The following HSCB variants were observed in gnomAD, a reference collection of about 807,000 sequenced individuals.
HSCB encodes iron-sulfur cluster co-chaperone protein HscB.
In HSCB, 23 loss-of-function variants were observed where a neutral mutation model predicts 31.3. The ratio of observed to expected loss-of-function variants is 0.74; its 90% CI spans 0.53 to 1.04. The LOEUF is 1.04. Ranked by LOEUF, HSCB falls within the 50% of genes least tolerant of loss-of-function variation. HSCB has a pLI of 0.00. For missense variants in HSCB, 297 were observed against 288.1 expected, an observed-to-expected ratio of 1.03 and a Z score of -0.22; for synonymous variants, 110 against 104.5, an observed-to-expected ratio of 1.05 and a Z score of -0.32.
At position 28,742,092 on chromosome 22, in the gene HSCB, C is replaced by T. The variant is rs762292151; in HGVS notation, c.-4C>T. 5.0e-6 allele frequency: 8 copies of T among 1,605,398 alleles called. No homozygotes were observed. Among genetic ancestry groups the T allele is most frequent in the South Asian group, 1.1e-5 (1 of 90,190 alleles). On this transcript the variant is annotated 5_prime_UTR_variant, in exon 1 of 6. Coordinates refer to ENST00000216027, the MANE Select transcript of HSCB (RefSeq NM_172002.5). ...TGACCACGGCTAGATAGGCCGCCGG[C>T]CAGATGTGGCGGGGGAGAGCCGGGG...
At chr22:28,742,800 T>G in intron 1 of HSCB, 1 of 161,398 alleles carries the variant, frequency 6.2e-6, no homozygotes, top group Non-Finnish European at 1.4e-5. Context: ...GATTAGGGAG[T>G]AAAGCATGAA....
intron 1 of HSCB, among the ~76,000 whole-genome samples, chr22:28,743,629 T>C (rs2054630437): frequency 6.6e-6 from 1 of 152,174 alleles, no homozygotes; most frequent in Non-Finnish European, 1.5e-5. Context: ...CTTGCAATTC[T>C]ACCTGGACGT....
chr22:28,751,329 T>G (rs1329742552), intron 5 of HSCB, 41 bp downstream of exon 5: 1 of 1,264,752 alleles, frequency 7.9e-7, no homozygotes. Context: ...GGAAAGAAAT[T>G]TCAAGCACTG....
At position 28,753,403 on chromosome 22, in the gene HSCB, C is replaced by T. The variant is rs554037682; in HGVS notation, c.616+2115C>T. Among the ~76,000 whole-genome samples, 10 of 151,920 alleles carry T rather than the reference C, an allele frequency of 6.6e-5. No individual in the cohort carries two copies. The South Asian group carries it at 1.0e-3, about 16-fold the overall frequency. On this transcript the variant is annotated intron_variant, in intron 5 of 5. Transcript: ENST00000216027. ...ATTAGGGTGGCATGGTGGCGGGCGC[C>T]TGTAATCCCAGCTACTCAGGAGGCT...
intron 4 of HSCB, among the ~76,000 whole-genome samples, chr22:28,747,881 C>T (rs567856258): frequency 1.3e-4 from 20 of 149,790 alleles, no homozygotes; most frequent in Non-Finnish European, 2.5e-4. Flanking sequence ...ACCTTTCCCC[C>T]CCAAAAAAAT....
chr22:28,748,985 T>C (rs1473200811), intron 4 of HSCB, among the ~76,000 whole-genome samples: 1 of 151,610 alleles, frequency 6.6e-6, no homozygotes, highest in Non-Finnish European at 1.5e-5. Context: ...CATTAAAAAT[T>C]TAAAAATTAA....
At chr22:28,744,378 C>A (rs1408600917) in intron 2 of HSCB, among the ~76,000 whole-genome samples, 1 of 152,098 alleles carries the variant, frequency 6.6e-6, no homozygotes, top group Admixed American at 6.6e-5. Context: ...AGGGTGAAAC[C>A]CTGTCTCTAC....
In HSCB at chr22:28,742,340, G is replaced by A. The variant is rs747082463; in HGVS notation, c.236+9G>A. 2 of 1,608,508 alleles carry A rather than the reference G, an allele frequency of 1.2e-6. No individual in the cohort carries two copies. Among genetic ancestry groups the A allele is most frequent in the African/African-American group, 1.3e-5 (1 of 74,870 alleles). ...TTCAGCCTTATGGACTGGTACGAGC[G>A]ACGGTTTCGGGAAACGGGCCCGGGC... On this transcript the variant is annotated intron_variant, in intron 1 of 5. Coordinates refer to ENST00000216027, the MANE Select transcript of HSCB (RefSeq NM_172002.5).
intron 1 of HSCB, 147 bp from the exon 2 acceptor site, chr22:28,743,735 T>C (rs1462152841): frequency 1.2e-5 from 8 of 650,888 alleles, no homozygotes; most frequent in Admixed American, 4.6e-5. Context: ...CTGACTCTGT[T>C]CTGTGTCCCT....
At chr22:28,755,319 A>T (rs896307351) in intron 5 of HSCB, among the ~76,000 whole-genome samples, 1 of 151,888 alleles carries the variant, frequency 6.6e-6, no homozygotes, top group Admixed American at 6.6e-5. Flanking sequence ...CTGAGGCAGG[A>T]GAATGGCGTG....
At chr22:28,748,706 G>A (rs765429762) in intron 4 of HSCB, among the ~76,000 whole-genome samples, 6 of 151,680 alleles carry the variant, frequency 4.0e-5, no homozygotes, top group Non-Finnish European at 7.4e-5. Flanking sequence ...AAGTAGTGAC[G>A]GGGTTTTACC....
rs138835175 is a variant in HSCB at position 28,744,826 on chromosome 22, T to A, written c.423+122T>A. The A allele has an allele frequency of 4.3e-4, 329 of 771,354 alleles. 2 individuals carry two copies. The highest frequency in any genetic ancestry group is 2.8e-3 in the East Asian group (114 of 40,286). 47.8% of individuals were successfully genotyped at this position (771,354 alleles called of 1,614,324 possible). ...GGTCAGGCATGGTGGCTCACACCTG[T>A]AATCCCAGAACTTTCAGAGGCTGAG... is the stretch of plus-strand genomic sequence containing the variant. On this transcript the variant is annotated intron_variant, in intron 3 of 5. Transcript: ENST00000216027.
At chr22:28,752,426 T>C (rs1555940492) in intron 5 of HSCB, among the ~76,000 whole-genome samples, 1 of 104,812 alleles carries the variant, frequency 9.5e-6, no homozygotes. Context: ...CAAGACTTTG[T>C]CTCAAAAAAA....
chr22:28,746,544 G>A (rs151102946), intron 4 of HSCB, among the ~76,000 whole-genome samples: 1,896 of 152,084 alleles, frequency 0.012, 47 homozygotes, highest in African/African-American at 0.043. Flanking sequence ...CTTGAGTCCA[G>A]GAGTTCGAGA....
rs2146209857 is a variant in HSCB, at chr22:28,745,914, C to T, written c.474C>T (p.Asp158=). The T allele has an allele frequency of 6.2e-7, 1 of 1,612,920 alleles. No homozygotes were observed. The highest frequency in any genetic ancestry group is 8.5e-7 in the Non-Finnish European group (1 of 1,179,084). ...EIPERTDYEM[D]RQFLIEIMEI... ...CTGAAAGGACAGATTATGAAATGGA[C>T]AGGCAATTCCTCATAGAAATAATGG... Residue 158 remains aspartate (D), a synonymous_variant, in exon 4 of 6, where the codon GAC becomes GAT. Coordinates refer to ENST00000216027, the MANE Select transcript of HSCB (RefSeq NM_172002.5).
rs770943399 is a variant in HSCB at position 28,744,611 on chromosome 22, A to G, written c.334-4A>G. 7.5e-6 allele frequency: 12 copies of G among 1,603,746 alleles called. No individual in the cohort carries two copies. Among genetic ancestry groups the G allele is most frequent in the Non-Finnish European group, 1.0e-5 (12 of 1,170,574 alleles). On this transcript the variant is annotated splice_polypyrimidine_tract_variant and splice_region_variant and intron_variant, in intron 2 of 5. Coordinates refer to ENST00000216027, the MANE Select transcript of HSCB (RefSeq NM_172002.5). ...AATAGTACTATCTTCATCTCCACTA[A>G]CAGACTGAAAAGGACTTCTCAGAGA...
In HSCB at chr22:28,742,061, C is replaced by T. The variant is rs1287240619; in HGVS notation, c.-35C>T. ...GTTAGACGCTCTCTTTGCTTTTCCC[C>T]ACGAGTGACCACGGCTAGATAGGCC... On this transcript the variant is annotated 5_prime_UTR_variant, in exon 1 of 6. Transcript: ENST00000216027. 1.0e-5 allele frequency: 16 copies of T among 1,578,192 alleles called. No individual in the cohort carries two copies. Among genetic ancestry groups the T allele is most frequent in the African/African-American group, 1.3e-5 (1 of 74,240 alleles).
At position 28,757,143 on chromosome 22, in the gene HSCB, A is replaced by G. The variant is rs1420702371; in HGVS notation, c.682A>G (p.Ile228Val). ...ATACTTTTCAAATATAGAAGAAAAG[A>G]TCAAGTTAAAGAAGATTCCCCTTTA... is the stretch of plus-strand genomic sequence containing the variant. ...MRYFSNIEEK[I>V]KLKKIPL The change falls in exon 6 of 6, where the codon ATC becomes GTC. Residue 228 changes from isoleucine to valine, a missense_variant. Ile to Val is a conservative substitution (Grantham distance 29). Transcript: ENST00000216027. 2 of 1,558,450 alleles carry G rather than the reference A, an allele frequency of 1.3e-6. No homozygotes were observed. The highest frequency in any genetic ancestry group is 2.7e-5 in the African/African-American group (2 of 73,978).
At chr22:28,748,579 C>G (rs2029993047) in intron 4 of HSCB, among the ~76,000 whole-genome samples, 1 of 151,638 alleles carries the variant, frequency 6.6e-6, no homozygotes, top group Admixed American at 6.6e-5. Flanking sequence ...CTGGCATGAT[C>G]TCGGCTCACT....
Sources: gnomAD v4.1 joint callset for allele counts (sites outside exome capture counted in the v4.1 genomes callset) on GRCh38, gnomAD v4.1.1 for gene constraint, MANE v1.5 for transcripts, NCBI Gene and HGNC (gene_info 2026-07-23, HGNC 2026-07-21) for gene names.